GPR161: variants seen among roughly 807,000 people sequenced by gnomAD.
GPR161 encodes G protein-coupled receptor 161.
GPR161 carries 25 observed loss-of-function variants against 39.2 expected under a neutral mutation model. The observed-to-expected ratio is 0.64, with a 90% CI of 0.47 to 0.89. The LOEUF (loss-of-function observed/expected upper bound fraction) is 0.89, where lower values mean the gene tolerates loss of function less well. Ranked by LOEUF, GPR161 falls within the 40% of genes least tolerant of loss-of-function variation. The pLI, the probability that GPR161 is intolerant of heterozygous loss-of-function variation, is 0.00. For missense variants in GPR161, 547 were observed against 677.8 expected (o/e 0.81, Z 2.14); for synonymous variants, 286 against 276.6 (o/e 1.03, Z -0.34).
intron 1 of GPR161, among the ~76,000 whole-genome samples, chr1:168,123,058 A>G (rs987711839): frequency 1.3e-5 from 2 of 152,230 alleles, no homozygotes; most frequent in African/African-American, 4.8e-5. Flanking sequence ...GCAGAAGAGT[A>G]GCAGACACTA....
chr1:168,106,311 G>A (rs1044846969), intron 1 of GPR161, among the ~76,000 whole-genome samples: 5 of 152,334 alleles, frequency 3.3e-5, no homozygotes, highest in Middle Eastern at 3.4e-3. Flanking sequence ...GAGGCAGGGC[G>A]CAGAGTGGCT....
Position 168,098,567 on chromosome 1 carries a change from C to T in GPR161, c.375-1335G>A, listed in dbSNP as rs371771881. On this transcript the variant is annotated intron_variant, in intron 2 of 5. Transcript: ENST00000682931. The surrounding 1 kb of genome is among the most constrained non-coding windows in gnomAD (Gnocchi z 4.1). ...GGGAAGGTGGCTCCTCCACAGGGAC[C>T]GCCCTGAGTCACCCTTGGGCCCCAG... Among the ~76,000 whole-genome samples the T allele has an allele frequency of 6.6e-4, 100 of 152,324 alleles. 1 individual carries two copies. The South Asian group carries it at 0.018, about 28-fold the overall frequency.
chr1:168,090,452 G>T, intron 4 of GPR161, 112 bp downstream of exon 4: 1 of 580,148 alleles, frequency 1.7e-6, no homozygotes, highest in Non-Finnish European at 3.1e-6. Context: ...CACCCACCGT[G>T]GGAAATGCCC....
At chr1:168,136,149 A>G (rs556148529) in intron 1 of GPR161, 1 of 1,269,332 alleles carries the variant, frequency 7.9e-7, no homozygotes, top group Non-Finnish European at 9.9e-7. Flanking sequence ...TCTGAGGGGC[A>G]GAGCCGCCCA....
chr1:168,134,566 A>G (rs1005887867), intron 1 of GPR161, among the ~76,000 whole-genome samples: 7 of 152,240 alleles, frequency 4.6e-5, no homozygotes, highest in Non-Finnish European at 7.3e-5. Flanking sequence ...ACTGCATCTC[A>G]GAATGACAGT....
chr1:168,120,969 T>C (rs1558132224), intron 1 of GPR161, among the ~76,000 whole-genome samples: 1 of 152,216 alleles, frequency 6.6e-6, no homozygotes, highest in Non-Finnish European at 1.5e-5. Context: ...TGGTAAACTT[T>C]ATGTTATGTG....
At chr1:168,092,374 G>A (rs1368854843) in intron 3 of GPR161, among the ~76,000 whole-genome samples, 1 of 152,200 alleles carries the variant, frequency 6.6e-6, no homozygotes, top group African/African-American at 2.4e-5. Context: ...CCAGTGGGAG[G>A]AATGGTCTGA....
At chr1:168,089,001 T>A (rs1479793943) in intron 4 of GPR161, 3 of 152,232 alleles carry the variant, frequency 2.0e-5, no homozygotes, top group African/African-American at 7.2e-5. Context: ...TTTATAGAGA[T>A]GTAATTCACA....
chr1:168,135,978 C>T (rs979191513), intron 1 of GPR161: 1 of 1,147,142 alleles, frequency 8.7e-7, no homozygotes, highest in Non-Finnish European at 1.1e-6. Flanking sequence ...GGTGAGCAGA[C>T]CTCCGGGAAG....
intron 2 of GPR161, among the ~76,000 whole-genome samples, chr1:168,099,029 G>C (rs923837051): frequency 1.3e-5 from 2 of 152,324 alleles, no homozygotes; most frequent in Admixed American, 1.3e-4. Context: ...GAACGAATGA[G>C]GAAGATCATG....
At chr1:168,117,556 C>T (rs776163820) in intron 1 of GPR161, among the ~76,000 whole-genome samples, 1 of 152,158 alleles carries the variant, frequency 6.6e-6, no homozygotes. Flanking sequence ...GAGTATCTAC[C>T]TCATAGGGTT....
intron 3 of GPR161, among the ~76,000 whole-genome samples, chr1:168,091,553 A>T (rs1218867256): frequency 2.0e-5 from 3 of 151,942 alleles, no homozygotes; most frequent in Non-Finnish European, 4.4e-5. Context: ...GCATCCCACC[A>T]CCCAGGGCTT....
chr1:168,095,651 C>T (rs1368599640), intron 3 of GPR161, among the ~76,000 whole-genome samples: 1 of 151,980 alleles, frequency 6.6e-6, no homozygotes, highest in Admixed American at 6.6e-5. Flanking sequence ...TGGACACCCC[C>T]GGATTGTCTG....
intron 1 of GPR161, among the ~76,000 whole-genome samples, chr1:168,133,294 A>G (rs1699138205): frequency 6.6e-6 from 1 of 152,226 alleles, no homozygotes; most frequent in Non-Finnish European, 1.5e-5. Flanking sequence ...CCAGACCTCA[A>G]TAAACAAAGA....
intron 3 of GPR161, among the ~76,000 whole-genome samples, chr1:168,091,527 G>A (rs1014443384): frequency 6.6e-6 from 1 of 152,166 alleles, no homozygotes; most frequent in African/African-American, 2.4e-5. Flanking sequence ...CCAACCCACA[G>A]TCAGGAAGCC....
intron 2 of GPR161, among the ~76,000 whole-genome samples, chr1:168,101,429 C>G (rs1696092195): frequency 6.6e-6 from 1 of 152,190 alleles, no homozygotes; most frequent in Non-Finnish European, 1.5e-5. Context: ...CAGCTCCTCA[C>G]CACAGAGAAT....
intron 1 of GPR161, among the ~76,000 whole-genome samples, chr1:168,119,020 T>C (rs892689582): frequency 2.6e-5 from 4 of 151,474 alleles, no homozygotes; most frequent in Admixed American, 1.3e-4. Flanking sequence ...CTGTGGAGAA[T>C]AGTATGGCAG....
chr1:168,136,552 G>A (rs1699389923), intron 1 of GPR161, 187 bp downstream of exon 1: 1 of 1,257,482 alleles, frequency 8.0e-7, no homozygotes, highest in Non-Finnish European at 1.0e-6. Flanking sequence ...AAAGCAAGGC[G>A]CAGTGCGGGC....
chr1:168,132,605 A>G (rs562585084), intron 1 of GPR161, among the ~76,000 whole-genome samples: 8 of 152,164 alleles, frequency 5.3e-5, no homozygotes, highest in East Asian at 3.9e-4. Context: ...AAAAAAAGAA[A>G]AAAAGAAATG....
Sources: allele counts gnomAD v4.1 joint callset (sites outside exome capture counted in the v4.1 genomes callset), GRCh38; gene constraint gnomAD v4.1.1; non-coding constraint Gnocchi (gnomAD v3.1); transcripts MANE v1.5; gene names NCBI Gene and HGNC (gene_info 2026-07-23, HGNC 2026-07-21).